The following MAP3K5 variants were observed in gnomAD, a reference collection of about 807,000 sequenced individuals.
MAP3K5 encodes the protein mitogen-activated protein kinase kinase kinase 5.
In MAP3K5, 56 loss-of-function variants were observed where a neutral mutation model predicts 158.7. The observed-to-expected ratio is 0.35, with a 90% CI of 0.28 to 0.44. MAP3K5 has a LOEUF of 0.44. MAP3K5 is among the 20% of genes least tolerant of loss of function. The pLI is 1.00. For synonymous variants in MAP3K5, 579 were observed against 601.7 expected, an observed-to-expected ratio of 0.96 and a Z score of 0.55; for missense variants, 1,294 against 1,674.8, an observed-to-expected ratio of 0.77 and a Z score of 3.97.
chr6:136,602,063 C>T (rs1294903371), intron 19 of MAP3K5, 84 bp from the exon 20 acceptor site: 2 of 1,037,644 alleles, frequency 1.9e-6, no homozygotes, highest in African/African-American at 1.6e-5. Flanking sequence ...ACTTGACCCC[C>T]CAATGCAACA....
In MAP3K5 at chr6:136,627,530, T is replaced by A. The variant is rs146290716; in HGVS notation, c.2017-4549A>T. On this transcript the variant is annotated intron_variant, in intron 14 of 29. Coordinates refer to ENST00000359015, the MANE Select transcript of MAP3K5 (RefSeq NM_005923.4). ...CTCTTCAGCGCCCTCAAAATCTGTA[T>A]GTTGAAACCGAATCACAATGTATTA... Among the ~76,000 whole-genome samples the A allele has an allele frequency of 7.7e-3, 1,180 of 152,278 alleles. 14 individuals are homozygous for A. The highest frequency in any genetic ancestry group is 0.026 in the African/African-American group (1,086 of 41,556).
At chr6:136,601,434 C>T (rs1775871908) in intron 20 of MAP3K5, among the ~76,000 whole-genome samples, 1 of 152,138 alleles carries the variant, frequency 6.6e-6, no homozygotes, top group Non-Finnish European at 1.5e-5. Flanking sequence ...GGAAATCCAA[C>T]AGCTCTATAA....
chr6:136,720,450 C>T lies in MAP3K5; in HGVS notation c.588G>A (p.Lys196=). Residue 196 remains lysine (K), a splice_region_variant and synonymous_variant, in exon 2 of 30, where the codon AAG becomes AAA. Coordinates refer to ENST00000359015, the MANE Select transcript of MAP3K5 (RefSeq NM_005923.4). ...DTNSDSLQSL[K]EIICQKNTMC... is the part of the protein sequence containing the mutation. ...AACATTCAGTAAACAAGGGAGGTACCTTCAGTGACTGCAGAGAGTCCGAGT... is the reference window on the plus strand; with the variant it reads ...AACATTCAGTAAACAAGGGAGGTACTTTCAGTGACTGCAGAGAGTCCGAGT... 1 of 1,592,182 alleles carries T rather than the reference C, an allele frequency of 6.3e-7. No individual in the cohort carries two copies. Among genetic ancestry groups the T allele is most frequent in the Non-Finnish European group, 8.5e-7 (1 of 1,170,826 alleles).
intron 1 of MAP3K5, among the ~76,000 whole-genome samples, chr6:136,770,902 AAATAT>A (rs1192429473): frequency 6.6e-6 from 1 of 152,250 alleles, no homozygotes; most frequent in East Asian, 1.9e-4. Flanking sequence ...AACTGAGGAA[AAATAT>A]AATAAATTTT....
Position 136,698,366 on chromosome 6 carries a change from C to T in MAP3K5, c.806+123G>A, listed in dbSNP as rs1780695582. On this transcript the variant is annotated intron_variant, in intron 4 of 29. Transcript: ENST00000359015. ...TTTTATCTACTTGGAGGATAATAAA[C>T]ATTTTCCCCCTAGTTCTTAGCTGTA... is the stretch of plus-strand genomic sequence containing the variant. 4.8e-5 allele frequency: 35 copies of T among 726,196 alleles called. 1 individual carries two copies. In the South Asian group the frequency reaches 6.9e-4, roughly 14 times the overall value. The allele number at this position is 726,196 out of a possible 1,614,324, so 45.0% of individuals were successfully genotyped here.
intron 1 of MAP3K5, among the ~76,000 whole-genome samples, chr6:136,724,732 T>A (rs1781894659): frequency 6.6e-6 from 1 of 152,218 alleles, no homozygotes; most frequent in African/African-American, 2.4e-5. Flanking sequence ...CTATTTCAAA[T>A]TCAAATAAGT....
chr6:136,719,692 A>C (rs138199327), intron 2 of MAP3K5, among the ~76,000 whole-genome samples: 1 of 152,310 alleles, frequency 6.6e-6, no homozygotes, highest in African/African-American at 2.4e-5. Context: ...CAATGTCCCA[A>C]GGTTGGCTCA....
At position 136,698,710 on chromosome 6, in the gene MAP3K5, G is replaced by A. The variant is rs192205020; in HGVS notation, c.613-28C>T. 1,175 of 1,577,116 alleles carry A rather than the reference G, an allele frequency of 7.5e-4. 24 individuals carry two copies. The Admixed American group carries it at 0.018, about 25-fold the overall frequency. Reference sequence around the variant, plus strand: ...GCGGAGAGAGGAGGCATCGGCAAGTGGGGAGCTGGCCTGGAGACACGGCAC... The same window carrying A: ...GCGGAGAGAGGAGGCATCGGCAAGTAGGGAGCTGGCCTGGAGACACGGCAC... On this transcript the variant is annotated intron_variant, in intron 3 of 29. Coordinates refer to ENST00000359015, the MANE Select transcript of MAP3K5 (RefSeq NM_005923.4).
intron 14 of MAP3K5, among the ~76,000 whole-genome samples, chr6:136,625,365 G>T (rs972359077): frequency 6.6e-6 from 1 of 152,168 alleles, no homozygotes; most frequent in Non-Finnish European, 1.5e-5. Context: ...GTGGGGCTTG[G>T]GTCTTAATGC....
At chr6:136,580,683 A>C (rs1774831050) in intron 24 of MAP3K5, among the ~76,000 whole-genome samples, 1 of 152,222 alleles carries the variant, frequency 6.6e-6, no homozygotes, top group African/African-American at 2.4e-5. Context: ...TGCAGTTTTT[A>C]GCTTTTATAA....
intron 10 of MAP3K5, among the ~76,000 whole-genome samples, chr6:136,652,263 G>A (rs1050712649): frequency 6.6e-6 from 1 of 152,060 alleles, no homozygotes; most frequent in African/African-American, 2.4e-5. Context: ...CTAGAGAAAG[G>A]GAGGTAGAAA....
chr6:136,569,262 GA>G (rs1774259423), intron 25 of MAP3K5, among the ~76,000 whole-genome samples: 1 of 152,154 alleles, frequency 6.6e-6, no homozygotes, highest in African/African-American at 2.4e-5. Context: ...ACTTGTGGGG[GA>G]AATCTGCATT....
intron 18 of MAP3K5, among the ~76,000 whole-genome samples, chr6:136,607,513 T>C (rs1776153026): frequency 6.6e-6 from 1 of 152,230 alleles, no homozygotes; most frequent in Non-Finnish European, 1.5e-5. Context: ...TTTACGAAGC[T>C]GGATAATGAA....
chr6:136,709,157 C>T (rs756424724), intron 2 of MAP3K5, among the ~76,000 whole-genome samples: 15 of 152,280 alleles, frequency 9.9e-5, no homozygotes, highest in East Asian at 1.9e-4. Flanking sequence ...GACTTCCTCG[C>T]GTGCAAAGAC....
chr6:136,700,277 T>A (rs1056515147), intron 3 of MAP3K5, among the ~76,000 whole-genome samples: 8 of 151,404 alleles, frequency 5.3e-5, no homozygotes, highest in South Asian at 2.1e-4. Flanking sequence ...AGATATGAGG[T>A]TTGAGGAGAT....
chr6:136,635,580 G>C (rs556223957), intron 14 of MAP3K5, among the ~76,000 whole-genome samples: 1 of 151,732 alleles, frequency 6.6e-6, no homozygotes, highest in Admixed American at 6.6e-5. Flanking sequence ...ACTTAACTAC[G>C]GGCAGAGTTA....
chr6:136,625,358 G>A (rs569560105), intron 14 of MAP3K5, among the ~76,000 whole-genome samples: 1 of 152,314 alleles, frequency 6.6e-6, no homozygotes, highest in East Asian at 1.9e-4. Flanking sequence ...CTCTCATGTG[G>A]GGCTTGGGTC....
intron 19 of MAP3K5, among the ~76,000 whole-genome samples, 159 bp downstream of exon 19, chr6:136,605,050 G>A (rs1229683974): frequency 1.3e-5 from 2 of 152,136 alleles, no homozygotes; most frequent in African/African-American, 2.4e-5. Flanking sequence ...AGGCACCAGC[G>A]CTGGTTCTAA....
chr6:136,623,116 T>G lies in MAP3K5; in HGVS notation c.2017-135A>C, dbSNP rs1776884613. 3 of 742,288 alleles carry G rather than the reference T, an allele frequency of 4.0e-6. No individual in the cohort carries two copies. In the Admixed American group the frequency reaches 7.2e-5, roughly 18 times the overall value. The allele number at this position is 742,288 out of a possible 1,614,324, so 46.0% of individuals were successfully genotyped here. ...ACAGGCTGAAGTTCTAAGAAGCAGC[T>G]TCAAGGATGAACAAATAAATGCTCC... On this transcript the variant is annotated intron_variant, in intron 14 of 29. Coordinates refer to ENST00000359015, the MANE Select transcript of MAP3K5 (RefSeq NM_005923.4).
Sources: allele counts gnomAD v4.1 joint callset (sites outside exome capture counted in the v4.1 genomes callset), GRCh38; gene constraint gnomAD v4.1.1; transcripts MANE v1.5; gene names NCBI Gene and HGNC (gene_info 2026-07-23, HGNC 2026-07-21).